The following SYN3 variants were observed in gnomAD, a reference collection of about 807,000 sequenced individuals.
SYN3 encodes the protein synapsin-3.
SYN3 carries 35 observed loss-of-function variants against 65.8 expected under a neutral mutation model. The observed-to-expected ratio is 0.53, with a 90% confidence interval of 0.41 to 0.70. The LOEUF is 0.70. SYN3 is among the 30% of genes least tolerant of loss of function. The pLI, the probability that SYN3 is intolerant of heterozygous loss-of-function variation, is 0.00. For missense variants in SYN3, 680 were observed against 749.0 expected (o/e 0.91, Z 1.08); for synonymous variants, 270 against 292.9 (o/e 0.92, Z 0.80).
chr22:32,859,657 C>T (rs559183021), intron 6 of SYN3: 6 of 452,434 alleles, frequency 1.3e-5, no homozygotes, highest in South Asian at 9.5e-5. Flanking sequence ...TCCTCTTCTT[C>T]GTGATAATAT....
intron 6 of SYN3, among the ~76,000 whole-genome samples, chr22:32,691,963 G>A (rs2147158166): frequency 6.6e-6 from 1 of 152,126 alleles, no homozygotes; most frequent in Admixed American, 6.5e-5. Context: ...GGTGGGACCA[G>A]GGTTGGACCC....
intron 6 of SYN3, among the ~76,000 whole-genome samples, chr22:32,668,048 C>A (rs2060314477): frequency 6.6e-6 from 1 of 152,118 alleles, no homozygotes; most frequent in African/African-American, 2.4e-5. Context: ...GACTCAGCCT[C>A]CCAAAGTGCT....
chr22:32,873,091 C>G (rs577317556), intron 4 of SYN3, among the ~76,000 whole-genome samples: 4 of 152,228 alleles, frequency 2.6e-5, no homozygotes, highest in Admixed American at 2.6e-4. Flanking sequence ...GCTGGGATTA[C>G]AGGCACGTGC....
intron 6 of SYN3, among the ~76,000 whole-genome samples, chr22:32,756,625 G>T (rs1211249140): frequency 1.3e-5 from 2 of 152,114 alleles, no homozygotes. Flanking sequence ...TCATGGTTTG[G>T]TGCTGTCCTC....
chr22:32,804,159 A>G (rs1439858615), intron 6 of SYN3, among the ~76,000 whole-genome samples: 2 of 152,234 alleles, frequency 1.3e-5, no homozygotes, highest in African/African-American at 4.8e-5. Flanking sequence ...AGAAAAAAAG[A>G]AACAAAAAAT....
intron 3 of SYN3, 120 bp from the exon 4 acceptor site, chr22:32,931,601 G>A: frequency 1.5e-6 from 1 of 658,638 alleles, no homozygotes; most frequent in Non-Finnish European, 2.7e-6. Context: ...TCAAACTTAG[G>A]AAGTTGCCGA....
At chr22:32,761,982 G>A (rs929013) in intron 6 of SYN3, among the ~76,000 whole-genome samples, 23,060 of 152,204 alleles carry the variant, frequency 0.15, 2,267 homozygotes, top group East Asian at 0.35. Context: ...GGAGTCTCAG[G>A]AGTCTGCCCT....
chr22:32,942,773 A>G (rs2050979998), intron 3 of SYN3, among the ~76,000 whole-genome samples: 1 of 152,252 alleles, frequency 6.6e-6, no homozygotes, highest in Non-Finnish European at 1.5e-5. Context: ...GCTGAAAACC[A>G]TGGCACGAGA....
At chr22:32,763,976 C>T (rs5754256) in intron 6 of SYN3, among the ~76,000 whole-genome samples, 116,635 of 147,178 alleles carry the variant, frequency 0.79, 46,722 homozygotes, top group African/African-American at 0.94. Flanking sequence ...CTCACTCTGT[C>T]GCTCAGGCTG....
At chr22:32,567,981 A>T (rs2058696899) in intron 7 of SYN3, among the ~76,000 whole-genome samples, 2 of 152,192 alleles carry the variant, frequency 1.3e-5, no homozygotes, top group Admixed American at 1.3e-4. Flanking sequence ...CTTGCTAATG[A>T]GGATGATCCC....
chr22:32,770,893 A>G (rs1423435787), intron 6 of SYN3, among the ~76,000 whole-genome samples: 1 of 66,552 alleles, frequency 1.5e-5, no homozygotes, highest in Non-Finnish European at 2.7e-5. Flanking sequence ...AGTTATTATT[A>G]TTATTTATTT....
chr22:32,531,473 C>G (rs1270035311), intron 10 of SYN3, among the ~76,000 whole-genome samples: 1 of 152,176 alleles, frequency 6.6e-6, no homozygotes, highest in Non-Finnish European at 1.5e-5. Flanking sequence ...ACGGTAGAGA[C>G]AGCCAAAGGA....
chr22:32,931,128 G>A, intron 4 of SYN3: 1 of 383,880 alleles, frequency 2.6e-6, no homozygotes, highest in East Asian at 4.7e-5. Context: ...TAATATGCCA[G>A]AGCAGAGCCT....
intron 6 of SYN3, among the ~76,000 whole-genome samples, chr22:32,756,963 T>C (rs1328618483): frequency 1.3e-5 from 2 of 152,200 alleles, no homozygotes; most frequent in African/African-American, 4.8e-5. Context: ...CATCAGTGAC[T>C]TGATTTTTTG....
At position 32,973,335 on chromosome 22, in the gene SYN3, G is replaced by A. The variant is rs552542341; in HGVS notation, c.369+7310C>T. On this transcript the variant is annotated intron_variant, in intron 3 of 13. Coordinates refer to ENST00000358763, the MANE Select transcript of SYN3 (RefSeq NM_003490.4). Reference sequence around the variant, plus strand: ...ACATGGAAGAGAACTAGATTGGTGCGGGCAGAGTGGGAGGCAGACTTTTCA... The same window carrying A: ...ACATGGAAGAGAACTAGATTGGTGCAGGCAGAGTGGGAGGCAGACTTTTCA... Among the ~76,000 whole-genome samples, 11 of 152,272 alleles carry A rather than the reference G, an allele frequency of 7.2e-5. No individual in the cohort carries two copies. The South Asian group carries it at 8.3e-4, about 11-fold the overall frequency.
Position 32,950,943 on chromosome 22 carries a change from A to C in SYN3, c.370-19462T>G, listed in dbSNP as rs181776974. ...GCATTCCTGAGCCCTCTTGCAAATT[A>C]TCATCAAAATTCTACCCTAATTCCT... On this transcript the variant is annotated intron_variant, in intron 3 of 13. Transcript: ENST00000358763. Among the ~76,000 whole-genome samples, 42 of 152,264 alleles carry C rather than the reference A, an allele frequency of 2.8e-4. No individual in the cohort carries two copies. The South Asian group carries it at 8.7e-3, about 32-fold the overall frequency.
intron 6 of SYN3, among the ~76,000 whole-genome samples, chr22:32,600,048 T>C (rs1481500553): frequency 1.3e-5 from 2 of 152,154 alleles, no homozygotes; most frequent in Non-Finnish European, 2.9e-5. Context: ...GGGATGGTTT[T>C]AGGATGATTC....
intron 10 of SYN3, 105 bp downstream of exon 10, chr22:32,533,674 TGCGTGTGCCCTGGA>T: frequency 1.5e-6 from 1 of 650,840 alleles, no homozygotes; most frequent in Non-Finnish European, 2.7e-6. Context: ...AGGCCTGGGT[TGCGTGTGCCCTGGA>T]GCCAGGACAC....
intron 6 of SYN3, among the ~76,000 whole-genome samples, chr22:32,746,681 A>G (rs2145627379): frequency 6.6e-6 from 1 of 152,248 alleles, no homozygotes; most frequent in South Asian, 2.1e-4. Context: ...AACATGTGTT[A>G]TGGTTGTCTG....
Sources: gnomAD v4.1 joint callset for allele counts (sites outside exome capture counted in the v4.1 genomes callset) on GRCh38, gnomAD v4.1.1 for gene constraint, MANE v1.5 for transcripts, NCBI Gene and HGNC (gene_info 2026-07-23, HGNC 2026-07-21) for gene names.